The following AGAP4 variants were observed in gnomAD, a reference collection of about 807,000 sequenced individuals.
AGAP4 encodes arf-GAP with GTPase, ANK repeat and PH domain-containing protein 4.
In AGAP4, 13 loss-of-function variants were observed where a neutral mutation model predicts 60.7. That is an observed-to-expected ratio of 0.21 (90% confidence interval 0.14 to 0.34). The LOEUF is 0.34. Among genes scored for constraint, AGAP4 ranks in the 10% least tolerant of loss-of-function variants. The probability of loss-of-function intolerance (pLI) is 1.00; values close to 1 mark genes in which losing one functional copy is unlikely to be tolerated. For missense variants in AGAP4, 169 were observed against 884.0 expected (o/e 0.19, Z 10.26); for synonymous variants, 70 against 339.0 (o/e 0.21, Z 8.72).
At position 45,841,654 on chromosome 10, in the gene AGAP4, T is replaced by A; in HGVS notation, c.395A>T (p.His132Leu). The change falls in exon 4 of 8, where the codon CAT (histidine) becomes CTT (leucine). Residue 132 changes from histidine (H) to leucine (L), a missense_variant and splice_region_variant. Coordinates refer to ENST00000616763, the MANE Select transcript of AGAP4 (RefSeq NM_001276343.3). The stretch of plus-strand genomic sequence containing the variant: ...TTAACTATTTGAGTGTTTACTTACA[T>A]GGTTTGTACAGTTGCTTCTTCTTAT... ...VEIRRSNCTN[H>L]VSTVRFSQQY... 1.8e-6 allele frequency: 2 copies of A among 1,092,906 alleles called. No homozygotes were observed. The highest frequency in any genetic ancestry group is 1.3e-6 in the Non-Finnish European group (1 of 791,758). The allele number at this position is 1,092,906 out of a possible 1,614,324, so 67.7% of individuals were successfully genotyped here.
chr10:45,849,643 ATTT>A (rs533771653), upstream of AGAP4, among the ~76,000 whole-genome samples: 1 of 140,054 alleles, frequency 7.1e-6, no homozygotes. Flanking sequence ...GCTGAACACT[ATTT>A]TTTTTTTTTT....
chr10:45,849,041 T>C (rs1158923991), upstream of AGAP4: 72 of 147,772 alleles, frequency 4.9e-4, no homozygotes, highest in African/African-American at 1.6e-3. Flanking sequence ...GCCTAGCTAA[T>C]GTAGTGAAAT....
intron 2 of AGAP4, among the ~76,000 whole-genome samples, chr10:45,846,279 AC>A (rs1286900284): frequency 6.6e-6 from 1 of 150,882 alleles, no homozygotes; most frequent in Non-Finnish European, 1.5e-5. Flanking sequence ...GACATTTCAC[AC>A]CTTTCACAAT....
chr10:45,839,919 T>C (rs1223374482), intron 4 of AGAP4, among the ~76,000 whole-genome samples: 1 of 146,800 alleles, frequency 6.8e-6, no homozygotes, highest in Non-Finnish European at 1.5e-5. Flanking sequence ...ATCCCAGAAC[T>C]AGAATAAAAA....
upstream of AGAP4, among the ~76,000 whole-genome samples, chr10:45,848,622 G>T (rs1392812602): frequency 3.3e-5 from 5 of 152,112 alleles, no homozygotes; most frequent in Admixed American, 2.6e-4. Flanking sequence ...TGACTGCTAA[G>T]GGTGGGGCCA....
At chr10:45,837,049 T>A (rs1370537075) in intron 4 of AGAP4, among the ~76,000 whole-genome samples, 5 of 140,804 alleles carry the variant, frequency 3.6e-5, no homozygotes, top group Non-Finnish European at 6.3e-5. Context: ...GTATTTTTAG[T>A]AGAGATGGGA....
At chr10:45,828,683 GTTCTTT>G (rs1376416568) in intron 6 of AGAP4, among the ~76,000 whole-genome samples, 11 of 75,720 alleles carry the variant, frequency 1.5e-4, no homozygotes, top group African/African-American at 4.0e-4. Flanking sequence ...GGTCATAACT[GTTCTTT>G]TTTTTTTTTT....
At chr10:45,843,866 G>A (rs2058958860) in intron 3 of AGAP4, among the ~76,000 whole-genome samples, 1 of 149,886 alleles carries the variant, frequency 6.7e-6, no homozygotes, top group South Asian at 2.1e-4. Context: ...GTGGTCAGAG[G>A]ACTGTGTAAG....
At chr10:45,851,722 A>G (rs1229002067), upstream of AGAP4, among the ~76,000 whole-genome samples, 5 of 151,328 alleles carry the variant, frequency 3.3e-5, no homozygotes, top group African/African-American at 1.2e-4. Flanking sequence ...CACATTTTTG[A>G]GGTTAGAAGA....
At chr10:45,837,450 A>G (rs2058839603) in intron 4 of AGAP4, among the ~76,000 whole-genome samples, 1 of 150,250 alleles carries the variant, frequency 6.7e-6, no homozygotes, top group Non-Finnish European at 1.5e-5. Context: ...GAGGCATGAC[A>G]TTACCTGATT....
At chr10:45,848,807 A>C (rs2059040983), upstream of AGAP4, 1 of 151,968 alleles carries the variant, frequency 6.6e-6, no homozygotes, top group Admixed American at 6.6e-5. Context: ...GAAACTTAGA[A>C]TCATGGCAGA....
chr10:45,838,357 G>C, intron 4 of AGAP4, among the ~76,000 whole-genome samples: 1 of 151,924 alleles, frequency 6.6e-6, no homozygotes, highest in African/African-American at 2.4e-5. Flanking sequence ...CTGCTCAGGT[G>C]ACGGGTGCAC....
intron 5 of AGAP4, among the ~76,000 whole-genome samples, chr10:45,831,745 T>G (rs1237850441): frequency 9.2e-6 from 1 of 108,770 alleles, no homozygotes; most frequent in Non-Finnish European, 1.9e-5. Flanking sequence ...TTTTATGTAT[T>G]TATTTATTTT....
rs1429775017 is a variant in AGAP4 at position 45,841,266 on chromosome 10, C to CT, written c.396+386dup. On this transcript the variant is annotated intron_variant, in intron 4 of 7. Coordinates refer to ENST00000616763, the MANE Select transcript of AGAP4 (RefSeq NM_001276343.3). ...TACAGGCATGCACCACCACGCCCAGCTACTTTTGTATTTTTAGTAGATACA... is the reference window on the plus strand; with the variant it reads ...TACAGGCATGCACCACCACGCCCAGCTTACTTTTGTATTTTTAGTAGATACA... Among the ~76,000 whole-genome samples the CT allele has an allele frequency of 2.8e-5, 4 of 141,946 alleles. No homozygotes were observed. In the South Asian group the frequency reaches 1.1e-3, roughly 38 times the overall value. The allele number at this position is 141,946 out of a possible 152,430, so 93.1% of individuals were successfully genotyped here. A position where few individuals can be genotyped will look rare whatever the true frequency, so the allele number is the denominator to read the frequency against.
In AGAP4 at chr10:45,844,181, T is replaced by C. The variant is rs1359151792; in HGVS notation, c.361+145A>G. On this transcript the variant is annotated intron_variant, in intron 3 of 7. Transcript: ENST00000616763. ...TAACATCATAACAACTAAAGGAAAGTATATCACATATTAAAATAAGACAAG... is the reference window on the plus strand; with the variant it reads ...TAACATCATAACAACTAAAGGAAAGCATATCACATATTAAAATAAGACAAG... The C allele has an allele frequency of 8.4e-4, 562 of 666,186 alleles. 18 individuals carry two copies. In the African/African-American group the frequency reaches 0.01, roughly 12 times the overall value. The allele number at this position is 666,186 out of a possible 1,614,324, so 41.3% of individuals were successfully genotyped here. A position where few individuals can be genotyped will look rare whatever the true frequency, so the allele number is the denominator to read the frequency against.
upstream of AGAP4, among the ~76,000 whole-genome samples, chr10:45,849,900 G>T (rs1293621882): frequency 2.0e-5 from 3 of 149,948 alleles, no homozygotes; most frequent in Non-Finnish European, 4.4e-5. Flanking sequence ...GAGCCACCGT[G>T]CCCAGCCAGA....
intron 5 of AGAP4, among the ~76,000 whole-genome samples, chr10:45,831,860 C>G (rs1452221226): frequency 6.9e-6 from 1 of 144,488 alleles, no homozygotes; most frequent in East Asian, 2.0e-4. Context: ...ATGCCTCAGC[C>G]TCCCAAGAAG....
Position 45,836,324 on chromosome 10 carries a change from G to A in AGAP4, c.397-2208C>T, listed in dbSNP as rs1265744876. On this transcript the variant is annotated intron_variant, in intron 4 of 7. Transcript: ENST00000616763. ...GCTTCTGGGGTATAACAGAGCTACT[G>A]ATTTGTGTACATTAATTTTGTCTCC... Among the ~76,000 whole-genome samples the A allele has an allele frequency of 2.6e-5, 4 of 152,140 alleles. No homozygotes were observed. The East Asian group carries it at 7.7e-4, about 29-fold the overall frequency.
rs1455303473 is a variant in AGAP4 at position 45,836,300 on chromosome 10, C to T, written c.397-2184G>A. Reference sequence around the variant, plus strand: ...CTTGGTTTGATTCTAAGCTTGGTCGCTTCTGGGGTATAACAGAGCTACTGA... The same window carrying T: ...CTTGGTTTGATTCTAAGCTTGGTCGTTTCTGGGGTATAACAGAGCTACTGA... On this transcript the variant is annotated intron_variant, in intron 4 of 7. Transcript: ENST00000616763. Among the ~76,000 whole-genome samples the T allele has an allele frequency of 2.0e-5, 3 of 152,210 alleles. No individual in the cohort carries two copies. The East Asian group carries it at 5.8e-4, about 29-fold the overall frequency.
Sources: gnomAD v4.1 joint callset for allele counts (sites outside exome capture counted in the v4.1 genomes callset) on GRCh38, gnomAD v4.1.1 for gene constraint, MANE v1.5 for transcripts, NCBI Gene and HGNC (gene_info 2026-07-23, HGNC 2026-07-21) for gene names.